Variants in KIAA0513 observed in about 807,000 individuals in gnomAD.
KIAA0513 encodes the protein KIAA0513.
KIAA0513 carries 39 observed loss-of-function variants against 56.5 expected under a neutral mutation model. That is an observed-to-expected ratio of 0.69 (90% confidence interval 0.53 to 0.90). The LOEUF is 0.90. Ranked by LOEUF, KIAA0513 falls within the 40% of genes least tolerant of loss-of-function variation. KIAA0513 has a pLI of 0.00. For missense variants in KIAA0513, 591 were observed against 535.2 expected (o/e 1.10, Z -1.03); for synonymous variants, 268 against 215.6 (o/e 1.24, Z -2.13).
chr16:85,030,608 A>G (rs543634006), intron 1 of KIAA0513, among the ~76,000 whole-genome samples: 9 of 152,058 alleles, frequency 5.9e-5, no homozygotes, highest in East Asian at 1.9e-4. Context: ...TTAGCTGGGC[A>G]TGGTGGCGGG....
intron 1 of KIAA0513, among the ~76,000 whole-genome samples, chr16:85,049,776 C>G (rs1281843287): frequency 6.6e-6 from 1 of 152,174 alleles, no homozygotes; most frequent in Admixed American, 6.5e-5. Flanking sequence ...ATAAATTACC[C>G]AGTCTCGGGT....
At position 85,034,272 on chromosome 16, in the gene KIAA0513, A is replaced by G. The variant is rs146343567; in HGVS notation, c.-173+6414A>G. Among the ~76,000 whole-genome samples the G allele has an allele frequency of 4.1e-3, 619 of 152,118 alleles. 5 individuals are homozygous for G. Among genetic ancestry groups the G allele is most frequent in the Admixed American group, 6.5e-3 (100 of 15,274 alleles). On this transcript the variant is annotated intron_variant, in intron 1 of 12. Transcript: ENST00000683363. The stretch of plus-strand genomic sequence containing the variant: ...GTGGGTGCCTCTAAGCCCAACTACT[A>G]AGGAGGCTGAGGCAGGAGAATTGCT...
At chr16:85,062,211 AAC>A (rs5818523) in intron 1 of KIAA0513, among the ~76,000 whole-genome samples, 2,443 of 148,984 alleles carry the variant, frequency 0.016, 40 homozygotes, top group East Asian at 0.056. Flanking sequence ...TACGTACGTA[AAC>A]ACACACACAC....
At chr16:85,068,200 A>G (rs1030770388) in intron 2 of KIAA0513, among the ~76,000 whole-genome samples, 1 of 151,384 alleles carries the variant, frequency 6.6e-6, no homozygotes, top group Non-Finnish European at 1.5e-5. Context: ...ACTGTTGCCC[A>G]GGCTGGAGTG....
At chr16:85,039,101 T>C (rs1389997641) in intron 1 of KIAA0513, among the ~76,000 whole-genome samples, 1 of 152,252 alleles carries the variant, frequency 6.6e-6, no homozygotes, top group South Asian at 2.1e-4. Flanking sequence ...GCACTGTAGA[T>C]GCTCAATAAT....
chr16:85,034,665 T>C (rs2073010680), intron 1 of KIAA0513, among the ~76,000 whole-genome samples: 1 of 152,174 alleles, frequency 6.6e-6, no homozygotes, highest in South Asian at 2.1e-4. Context: ...TGGTTGTTAT[T>C]ATGGCTCATA....
At position 85,077,483 on chromosome 16, in the gene KIAA0513, C is replaced by G. The variant is rs1415250757; in HGVS notation, c.633C>G (p.Ser211=). The change falls in exon 6 of 13, where the codon TCC becomes TCG. Residue 211 remains serine, a synonymous_variant. Transcript: ENST00000683363. ...AGAAGCCCGCGGGCAGCATCGACTC[C>G]TACCTGAAATCCGCAAACAGCTGGC... is the stretch of plus-strand genomic sequence containing the variant. The part of the protein sequence containing the change: ...SREKPAGSID[S]YLKSANSWLA... 1.2e-6 allele frequency: 2 copies of G among 1,614,208 alleles called. No homozygotes were observed. Among genetic ancestry groups the G allele is most frequent in the Non-Finnish European group, 8.5e-7 (1 of 1,180,030 alleles).
intron 1 of KIAA0513, among the ~76,000 whole-genome samples, chr16:85,034,748 C>G (rs2073011782): frequency 1.3e-5 from 2 of 152,282 alleles, no homozygotes; most frequent in Admixed American, 6.5e-5. Flanking sequence ...TAGCCCTCAC[C>G]AAAACAGTAT....
chr16:85,074,691 GA>G (rs1344677371), intron 4 of KIAA0513, among the ~76,000 whole-genome samples: 4 of 152,210 alleles, frequency 2.6e-5, no homozygotes, highest in African/African-American at 9.6e-5. Context: ...ACCACTGAAA[GA>G]GGTTGAGTGA....
At chr16:85,029,652 C>G (rs886207547) in intron 1 of KIAA0513, among the ~76,000 whole-genome samples, 2 of 152,166 alleles carry the variant, frequency 1.3e-5, no homozygotes, top group African/African-American at 4.8e-5. Context: ...TCCCTCCTTT[C>G]TCTCATAAAG....
At chr16:85,069,337 A>G (rs1329343132) in intron 2 of KIAA0513, among the ~76,000 whole-genome samples, 1 of 151,874 alleles carries the variant, frequency 6.6e-6, no homozygotes. Flanking sequence ...CGACTCCCCG[A>G]AGTGCTGGGA....
rs745874074 is a variant in KIAA0513, at chr16:85,088,352, G to T, written c.*27G>T. 6.2e-7 allele frequency: 1 copy of T among 1,601,132 alleles called. No homozygotes were observed. The highest frequency in any genetic ancestry group is 8.5e-7 in the Non-Finnish European group (1 of 1,175,122). On this transcript the variant is annotated 3_prime_UTR_variant, in exon 13 of 13. Transcript: ENST00000683363. The stretch of plus-strand genomic sequence containing the variant: ...CCCCAGAGGTCGCACTCCGCAGGAG[G>T]ACTGAGGCCATGTGCCATTCTCCCG...
intron 1 of KIAA0513, among the ~76,000 whole-genome samples, chr16:85,035,803 C>A (rs962345254): frequency 6.6e-6 from 1 of 152,090 alleles, no homozygotes; most frequent in East Asian, 1.9e-4. Flanking sequence ...ACAGTGAAAC[C>A]CCGTCTCTAC....
At chr16:85,059,508 G>A (rs16975172) in intron 1 of KIAA0513, among the ~76,000 whole-genome samples, 12,833 of 152,226 alleles carry the variant, frequency 0.084, 1,751 homozygotes, top group African/African-American at 0.28. Flanking sequence ...GTGCCCGAGT[G>A]CGAACATGAC....
At chr16:85,030,247 C>G (rs530275080) in intron 1 of KIAA0513, among the ~76,000 whole-genome samples, 2 of 152,230 alleles carry the variant, frequency 1.3e-5, no homozygotes, top group African/African-American at 4.8e-5. Context: ...CTCTGTGTTT[C>G]CAAATAGCCC....
Position 85,081,692 on chromosome 16 carries a change from C to A in KIAA0513, c.980+300C>A, listed in dbSNP as rs2073746503. ...GACCCCTGCTGCTGGGCCCACCCTG[C>A]TGTTTGCTGGACAAAATCAGCATCC... On this transcript the variant is annotated intron_variant, in intron 9 of 12. Coordinates refer to ENST00000683363, the MANE Select transcript of KIAA0513 (RefSeq NM_001388359.1). This position sits in a 1 kb window ranked among gnomAD's most constrained non-coding sequence, Gnocchi z 4.4. 6.6e-6 allele frequency among the ~76,000 whole-genome samples: 1 copy of A among 152,220 alleles called. No homozygotes were observed. Among genetic ancestry groups the A allele is most frequent in the African/African-American group, 2.4e-5 (1 of 41,466 alleles).
intron 1 of KIAA0513, among the ~76,000 whole-genome samples, chr16:85,055,636 C>T (rs781676829): frequency 6.6e-6 from 1 of 152,186 alleles, no homozygotes; most frequent in Non-Finnish European, 1.5e-5. Context: ...TGCAGAGTGT[C>T]GTGTTGGTAG....
At chr16:85,066,646 G>A (rs1479116832) in intron 1 of KIAA0513, among the ~76,000 whole-genome samples, 2 of 152,196 alleles carry the variant, frequency 1.3e-5, no homozygotes, top group Non-Finnish European at 2.9e-5. Context: ...GCGGGGAGGA[G>A]GCCAGCAGAG....
chr16:85,068,872 G>A (rs2073530248), intron 2 of KIAA0513, among the ~76,000 whole-genome samples: 1 of 152,110 alleles, frequency 6.6e-6, no homozygotes, highest in East Asian at 1.9e-4. Context: ...CACTTGTTCT[G>A]CTTGTGGGAC....
Sources: gnomAD v4.1 joint callset for allele counts (sites outside exome capture counted in the v4.1 genomes callset) on GRCh38, gnomAD v4.1.1 for gene constraint, Gnocchi (gnomAD v3.1) non-coding constraint, MANE v1.5 for transcripts, NCBI Gene and HGNC (gene_info 2026-07-23, HGNC 2026-07-21) for gene names.